DLGAP1: variants seen among roughly 807,000 people sequenced by gnomAD.
DLGAP1 encodes the protein DLG associated protein 1.
DLGAP1 carries 11 observed loss-of-function variants against 90.8 expected under a neutral mutation model. The ratio of observed to expected loss-of-function variants is 0.12; its 90% CI spans 0.08 to 0.20. DLGAP1 has a LOEUF of 0.20. Ranked by LOEUF, DLGAP1 falls within the 10% of genes least tolerant of loss-of-function variation. The pLI, the probability that DLGAP1 is intolerant of heterozygous loss-of-function variation, is 1.00. For missense variants in DLGAP1, 1,050 were observed against 1,333.8 expected (o/e 0.79, Z 3.31); for synonymous variants, 558 against 540.7 (o/e 1.03, Z -0.44).
At chr18:4,153,118 T>C (rs2076701212) in intron 1 of DLGAP1, among the ~76,000 whole-genome samples, 1 of 152,252 alleles carries the variant, frequency 6.6e-6, no homozygotes, top group South Asian at 2.1e-4. Flanking sequence ...ATAAGTTAGA[T>C]AATTGTTAGG....
chr18:4,278,735 A>G (rs1598796493), intron 1 of DLGAP1, among the ~76,000 whole-genome samples: 1 of 138,116 alleles, frequency 7.2e-6, no homozygotes, highest in East Asian at 2.0e-4. Flanking sequence ...ATACATATAT[A>G]TGAAAATGTT....
intron 1 of DLGAP1, among the ~76,000 whole-genome samples, chr18:4,194,059 A>G (rs979563996): frequency 5.3e-5 from 8 of 152,084 alleles, no homozygotes; most frequent in South Asian, 2.1e-4. Context: ...CCCAACTGTT[A>G]TATGTATATT....
intron 4 of DLGAP1, chr18:3,874,384 C>T: frequency 6.8e-7 from 1 of 1,467,988 alleles, no homozygotes; most frequent in Non-Finnish European, 9.0e-7. Context: ...ATGCAAAATA[C>T]ACTGTTTGAA....
chr18:4,431,051 G>A (rs946957800), intron 1 of DLGAP1: 2 of 153,352 alleles, frequency 1.3e-5, no homozygotes, highest in African/African-American at 4.8e-5. Flanking sequence ...CATGTGCCCT[G>A]TTGTCCTGGA....
At chr18:4,253,967 C>G (rs1004206615) in intron 1 of DLGAP1, among the ~76,000 whole-genome samples, 25 of 152,152 alleles carry the variant, frequency 1.6e-4, no homozygotes, top group African/African-American at 6.0e-4. Context: ...ATGTCAGTCC[C>G]TTACTTTCCC....
intron 8 of DLGAP1, among the ~76,000 whole-genome samples, chr18:3,578,994 C>T (rs557494616): frequency 6.6e-6 from 1 of 151,988 alleles, no homozygotes; most frequent in African/African-American, 2.4e-5. Context: ...AACTTTTCTC[C>T]CCAATGGTAT....
intron 2 of DLGAP1, among the ~76,000 whole-genome samples, chr18:4,032,311 G>T (rs537592759): frequency 2.6e-5 from 4 of 152,206 alleles, no homozygotes; most frequent in African/African-American, 9.6e-5. Context: ...TAATTAAAGG[G>T]TCTGAAAATC....
intron 1 of DLGAP1, among the ~76,000 whole-genome samples, chr18:4,252,289 G>T (rs902612168): frequency 6.6e-6 from 1 of 152,184 alleles, no homozygotes; most frequent in Admixed American, 6.5e-5. Flanking sequence ...TAATTCTGAG[G>T]TTGTGAGAGT....
intron 5 of DLGAP1, among the ~76,000 whole-genome samples, chr18:3,760,725 C>T (rs544223573): frequency 1.3e-4 from 20 of 152,336 alleles, no homozygotes; most frequent in Non-Finnish European, 2.6e-4. Context: ...CTTTGCATTG[C>T]CTCAAAATAA....
At chr18:4,116,380 A>G (rs2144059144) in intron 2 of DLGAP1, among the ~76,000 whole-genome samples, 1 of 152,276 alleles carries the variant, frequency 6.6e-6, no homozygotes, top group Middle Eastern at 3.4e-3. Context: ...CTGTAGAAAA[A>G]TGCTTTTCAT....
intron 5 of DLGAP1, among the ~76,000 whole-genome samples, chr18:3,798,813 AT>A (rs1347970004): frequency 6.6e-6 from 1 of 152,158 alleles, no homozygotes; most frequent in Non-Finnish European, 1.5e-5. Flanking sequence ...AATTAGAACC[AT>A]TTTTAATTTA....
chr18:3,678,385 C>G (rs147886003), intron 7 of DLGAP1, among the ~76,000 whole-genome samples: 1 of 151,992 alleles, frequency 6.6e-6, no homozygotes, highest in East Asian at 1.9e-4. Flanking sequence ...TCTTTAAGAC[C>G]CAGCTCAAAT....
rs374224912 is a variant in DLGAP1 at position 3,523,666 on chromosome 18, T to A, written c.2479+10528A>T. Among the ~76,000 whole-genome samples, 9 of 151,798 alleles carry A rather than the reference T, an allele frequency of 5.9e-5. No individual in the cohort carries two copies. The East Asian group carries it at 9.8e-4, about 17-fold the overall frequency. On this transcript the variant is annotated intron_variant, in intron 10 of 12. Coordinates refer to ENST00000315677, the MANE Select transcript of DLGAP1 (RefSeq NM_004746.4). ...ATCGAGACCATCCTGGCTAACACGG[T>A]GAAACCCCGTCTCTACTAAAAATAC...
chr18:3,498,914 T>G lies in DLGAP1; in HGVS notation c.*271A>C. The G allele has an allele frequency of 4.2e-6, 2 of 472,472 alleles. No homozygotes were observed. 29.3% of individuals were successfully genotyped at this position (472,472 alleles called of 1,614,324 possible). A position where few individuals can be genotyped will look rare whatever the true frequency, so the allele number is the denominator to read the frequency against. ...GGTGGGTTTGGCTTTGCCCAGAAAATAAAGGGTTGGATCTCAGTATGAGGC... is the reference window on the plus strand; with the variant it reads ...GGTGGGTTTGGCTTTGCCCAGAAAAGAAAGGGTTGGATCTCAGTATGAGGC... On this transcript the variant is annotated 3_prime_UTR_variant, in exon 13 of 13. Coordinates refer to ENST00000315677, the MANE Select transcript of DLGAP1 (RefSeq NM_004746.4).
chr18:4,124,304 A>G (rs2076199190), intron 2 of DLGAP1, among the ~76,000 whole-genome samples: 1 of 152,210 alleles, frequency 6.6e-6, no homozygotes, highest in South Asian at 2.1e-4. Flanking sequence ...CCACCCCTAC[A>G]CCTCCAAAAT....
At chr18:4,386,808 G>A (rs1448147112) in intron 1 of DLGAP1, among the ~76,000 whole-genome samples, 1 of 152,158 alleles carries the variant, frequency 6.6e-6, no homozygotes, top group Admixed American at 6.5e-5. Context: ...CAAACAGAAA[G>A]TAGGGCTATG....
intron 3 of DLGAP1, among the ~76,000 whole-genome samples, chr18:3,954,000 G>A (rs1185095368): frequency 6.6e-6 from 1 of 152,126 alleles, no homozygotes; most frequent in East Asian, 1.9e-4. Flanking sequence ...TCCTGAGGAA[G>A]GGAAATCACT....
intron 1 of DLGAP1, among the ~76,000 whole-genome samples, chr18:4,419,731 A>G (rs1304869560): frequency 6.6e-6 from 1 of 152,146 alleles, no homozygotes; most frequent in Non-Finnish European, 1.5e-5. Context: ...TCTACTTGAT[A>G]TTTATTGCAA....
At chr18:3,510,081 A>G (rs997139559) in intron 10 of DLGAP1, among the ~76,000 whole-genome samples, 44 of 149,286 alleles carry the variant, frequency 2.9e-4, no homozygotes, top group Non-Finnish European at 4.8e-4. Flanking sequence ...TGGGATGGTT[A>G]TCCTTTTCCT....
Sources: gnomAD v4.1 joint callset for allele counts (sites outside exome capture counted in the v4.1 genomes callset) on GRCh38, gnomAD v4.1.1 for gene constraint, MANE v1.5 for transcripts, NCBI Gene and HGNC (gene_info 2026-07-23, HGNC 2026-07-21) for gene names.